AHNAK: variants seen among roughly 807,000 people sequenced by gnomAD.
AHNAK encodes AHNAK nucleoprotein, also known as neuroblast differentiation-associated protein AHNAK.
Under a neutral mutation model 37.8 loss-of-function variants are expected in AHNAK, and 23 were observed. The observed-to-expected ratio is 0.61, with a 90% CI of 0.44 to 0.86. AHNAK has a LOEUF of 0.86. AHNAK is among the 40% of genes least tolerant of loss of function. AHNAK has a pLI of 0.00. For missense variants in AHNAK, 7,411 were observed against 7,319.4 expected, an observed-to-expected ratio of 1.01 and a Z score of -0.46; for synonymous variants, 2,481 against 2,636.3, an observed-to-expected ratio of 0.94 and a Z score of 1.80.
intron 5 of AHNAK, among the ~76,000 whole-genome samples, chr11:62,447,756 C>A (rs1293643150): frequency 7.3e-6 from 1 of 137,638 alleles, no homozygotes; most frequent in East Asian, 1.9e-4. Flanking sequence ...CCCTCTGCCC[C>A]CGTGGACCTC....
Position 62,516,243 on chromosome 11 carries a change from C to T in AHNAK, c.*501G>A. On this transcript the variant is annotated 3_prime_UTR_variant, in exon 5 of 5. Coordinates refer to ENST00000378024, the MANE Select transcript of AHNAK (RefSeq NM_001620.3). ...CACCCACACACCCTGACTACCACCACCTCTGGGCCATCTGTGGGCGTTTGC... is the reference window on the plus strand; with the variant it reads ...CACCCACACACCCTGACTACCACCATCTCTGGGCCATCTGTGGGCGTTTGC... 1 of 1,289,254 alleles carries T rather than the reference C, an allele frequency of 7.8e-7. No homozygotes were observed. Among genetic ancestry groups the T allele is most frequent in the South Asian group, 1.2e-5 (1 of 81,026 alleles). The allele number at this position is 1,289,254 out of a possible 1,614,324, so 79.9% of individuals were successfully genotyped here. A position where few individuals can be genotyped will look rare whatever the true frequency, so the allele number is the denominator to read the frequency against.
intron 5 of AHNAK, chr11:62,433,977 C>A: frequency 6.4e-7 from 1 of 1,559,080 alleles, no homozygotes; most frequent in Non-Finnish European, 8.7e-7. Flanking sequence ...TAACTTTGCA[C>A]CAACTGAAAG....
downstream of AHNAK, among the ~76,000 whole-genome samples, chr11:62,514,148 CT>C (rs1399520407): frequency 9.9e-5 from 15 of 152,266 alleles, no homozygotes; most frequent in Non-Finnish European, 2.1e-4. Flanking sequence ...CCTCAGAGGA[CT>C]TTCCAGCATC....
chr11:62,465,607 C>T (rs897650162), intron 5 of AHNAK, among the ~76,000 whole-genome samples: 3 of 150,462 alleles, frequency 2.0e-5, no homozygotes, highest in Admixed American at 6.6e-5. Context: ...AGTGAGACTC[C>T]GTCTCAAAAT....
chr11:62,535,271 G>C lies in AHNAK; in HGVS notation c.155-81C>G, dbSNP rs997575129. The C allele has an allele frequency of 9.0e-6, 11 of 1,227,104 alleles. No homozygotes were observed. In the African/African-American group the frequency reaches 1.2e-4, roughly 13 times the overall value. The allele number at this position is 1,227,104 out of a possible 1,614,324, so 76.0% of individuals were successfully genotyped here. ...ACACAGCCACCACACACTGGGCACT[G>C]AACTGACTTGAACTCATGACCACCC... On this transcript the variant is annotated intron_variant, in intron 3 of 4. Transcript: ENST00000378024.
At chr11:62,476,267 T>C (rs746777719) in intron 5 of AHNAK, among the ~76,000 whole-genome samples, 14 of 152,182 alleles carry the variant, frequency 9.2e-5, no homozygotes, top group Non-Finnish European at 1.9e-4. Context: ...CGCATGGCTA[T>C]AATTCCAGCT....
chr11:62,458,121 T>C (rs1036381042), intron 5 of AHNAK, among the ~76,000 whole-genome samples: 1 of 151,978 alleles, frequency 6.6e-6, no homozygotes, highest in African/African-American at 2.4e-5. Context: ...GGTTTCACCA[T>C]GTTGACCAGG....
intron 5 of AHNAK, among the ~76,000 whole-genome samples, chr11:62,457,174 G>C (rs992634377): frequency 1.3e-5 from 2 of 152,008 alleles, no homozygotes; most frequent in Non-Finnish European, 2.9e-5. Context: ...AATACAAAAA[G>C]TATGCCGGGC....
At chr11:62,458,116 C>T (rs1447449081) in intron 5 of AHNAK, among the ~76,000 whole-genome samples, 1 of 151,720 alleles carries the variant, frequency 6.6e-6, no homozygotes, top group Non-Finnish European at 1.5e-5. Flanking sequence ...GACAGGGTTT[C>T]ACCATGTTGA....
rs780248325 is a variant in AHNAK, at chr11:62,536,017, T to C, written c.82A>G (p.Arg28Gly). The change falls in exon 3 of 5, where the codon AGG becomes GGG. Residue 28 changes from arginine (R) to glycine (G), a missense_variant. Coordinates refer to ENST00000378024, the MANE Select transcript of AHNAK (RefSeq NM_001620.3). ...SGSHGLTIAQ[R>G]DDGVFVQEVT... ...TCCTGCACAAAGACGCCGTCGTCCC[T>C]CTGGGCGATGGTCAGCCCGTGGGAG... The C allele has an allele frequency of 1.9e-6, 3 of 1,612,810 alleles. No homozygotes were observed. Among genetic ancestry groups the C allele is most frequent in the Non-Finnish European group, 2.5e-6 (3 of 1,179,396 alleles).
chr11:62,473,857 G>A (rs1408142339), intron 5 of AHNAK, among the ~76,000 whole-genome samples: 2 of 151,818 alleles, frequency 1.3e-5, no homozygotes, highest in Non-Finnish European at 2.9e-5. Context: ...AAAATTAGCT[G>A]GACATGGTGA....
chr11:62,524,836 T>G lies in AHNAK; in HGVS notation c.9581A>C (p.Asn3194Thr), dbSNP rs1426761611. The part of the protein sequence containing the change: ...PKVDVDVPDV[N>T]IEGPDAKLKG... Reference sequence around the variant, plus strand: ...CAGTTTCGCATCTGGACCTTCAATATTCACATCTGGAACATCAACGTCCAC... The same window carrying G: ...CAGTTTCGCATCTGGACCTTCAATAGTCACATCTGGAACATCAACGTCCAC... Residue 3194 changes from asparagine (N) to threonine (T), a missense_variant, in exon 5 of 5, where the codon AAT (asparagine) becomes ACT (threonine). Asn to Thr is a moderately conservative substitution (Grantham distance 65). Transcript: ENST00000378024. 1.9e-6 allele frequency: 3 copies of G among 1,614,076 alleles called. No individual in the cohort carries two copies. Among genetic ancestry groups the G allele is most frequent in the Middle Eastern group, 1.6e-4 (1 of 6,084 alleles).
chr11:62,441,002 A>AT (rs1938294781), intron 5 of AHNAK, among the ~76,000 whole-genome samples: 2 of 150,890 alleles, frequency 1.3e-5, no homozygotes, highest in African/African-American at 4.9e-5. Flanking sequence ...CCGTCTGTAT[A>AT]ATTTTTTTTT....
intron 5 of AHNAK, among the ~76,000 whole-genome samples, chr11:62,448,086 G>A (rs1321564828): frequency 6.6e-6 from 1 of 152,036 alleles, no homozygotes; most frequent in Non-Finnish European, 1.5e-5. Context: ...CAACAGTGGC[G>A]ACGATGGTGA....
In AHNAK at chr11:62,528,423, C is replaced by T. The variant is rs1940590153; in HGVS notation, c.5994G>A (p.Leu1998=). Residue 1998 remains leucine (L), a synonymous_variant, in exon 5 of 5, where the codon CTG becomes CTA. Transcript: ENST00000378024. The part of the protein sequence containing the change: ...KISMPDVDLH[L]KGPKVKGDMD... ...TATCCCCTTTGACTTTGGGGCCTTT[C>T]AGGTGTAAGTCCACATCAGGCATGG... is the stretch of plus-strand genomic sequence containing the variant. 6.2e-7 allele frequency: 1 copy of T among 1,613,868 alleles called. No individual in the cohort carries two copies. The highest frequency in any genetic ancestry group is 8.5e-7 in the Non-Finnish European group (1 of 1,179,980).
At chr11:62,438,445 G>A (rs1938227953) in intron 5 of AHNAK, among the ~76,000 whole-genome samples, 2 of 152,120 alleles carry the variant, frequency 1.3e-5, no homozygotes, top group South Asian at 2.1e-4. Flanking sequence ...CTCCCACAGT[G>A]CTGAGATTAC....
rs375980722 is a variant in AHNAK at position 62,521,216 on chromosome 11, C to T, written c.13201G>A (p.Gly4401Ser). ...DFNLKGPKVK[G>S]DVDVSLPKVE... Reference sequence around the variant, plus strand: ...TTGGGCAGAGAGACATCCACATCACCTTTCACTTTGGGACCCTTCAAGTTA... The same window carrying T: ...TTGGGCAGAGAGACATCCACATCACTTTTCACTTTGGGACCCTTCAAGTTA... Residue 4401 changes from glycine (G) to serine (S), a missense_variant, in exon 5 of 5, where the codon GGT becomes AGT. By Grantham distance (56) the Gly-to-Ser change is moderately conservative. Transcript: ENST00000378024. 2 of 1,613,950 alleles carry T rather than the reference C, an allele frequency of 1.2e-6. No homozygotes were observed. The highest frequency in any genetic ancestry group is 2.7e-5 in the African/African-American group (2 of 74,870).
At position 62,533,144 on chromosome 11, in the gene AHNAK, G is replaced by A. The variant is rs566027355; in HGVS notation, c.1273C>T (p.Pro425Ser). ...VQAPDIDVQG[P>S]GSKLNVPKMK... ...TTGGGCACATTCAGTTTGCTCCCAG[G>A]CCCCTGAACATCAATGTCAGGGGCC... Residue 425 changes from proline (P) to serine (S), a missense_variant, in exon 5 of 5, where the codon CCT (proline) becomes TCT (serine). Pro to Ser is a moderately conservative substitution (Grantham distance 74). Coordinates refer to ENST00000378024, the MANE Select transcript of AHNAK (RefSeq NM_001620.3). 5 of 1,547,062 alleles carry A rather than the reference G, an allele frequency of 3.2e-6. No homozygotes were observed. The South Asian group carries it at 3.8e-5, about 12-fold the overall frequency.
At chr11:62,436,903 C>A (rs1012826681) in intron 5 of AHNAK, among the ~76,000 whole-genome samples, 1 of 151,208 alleles carries the variant, frequency 6.6e-6, no homozygotes, top group African/African-American at 2.4e-5. Flanking sequence ...CGCGCCACTG[C>A]ACTCCAGCCT....
Sources: gnomAD v4.1 joint callset for allele counts (sites outside exome capture counted in the v4.1 genomes callset) on GRCh38, gnomAD v4.1.1 for gene constraint, MANE v1.5 for transcripts, NCBI Gene and HGNC (gene_info 2026-07-23, HGNC 2026-07-21) for gene names.